CCDC181: variants seen among roughly 807,000 people sequenced by gnomAD.
The protein encoded by CCDC181 is coiled-coil domain containing 181, also known as coiled-coil domain-containing protein 181.
CCDC181 carries 35 observed loss-of-function variants against 58.7 expected under a neutral mutation model. That is an observed-to-expected ratio of 0.60 (90% CI 0.46 to 0.79). The LOEUF (loss-of-function observed/expected upper bound fraction) is 0.79. CCDC181 is among the 30% of genes least tolerant of loss of function. CCDC181 has a pLI of 0.00. For synonymous variants in CCDC181, 183 were observed against 197.5 expected, an observed-to-expected ratio of 0.93 and a Z score of 0.62; for missense variants, 517 against 583.9, an observed-to-expected ratio of 0.89 and a Z score of 1.18.
rs887002273 is a variant in CCDC181, at chr1:169,395,481, T to C, written c.1371-275A>G. Among the ~76,000 whole-genome samples the C allele has an allele frequency of 2.4e-4, 36 of 152,234 alleles. 1 individual carries two copies. The highest frequency in any genetic ancestry group is 1.3e-4 in the Admixed American group (2 of 15,284). ...TTTTTTAATAATAAACACTATTTTA[T>C]GTGTGCTGTAGATCCTATTCTTTTT... On this transcript the variant is annotated intron_variant, in intron 5 of 5. Transcript: ENST00000367806.
rs1272535728 is a variant in CCDC181 at position 169,415,101 on chromosome 1, A to G, written c.1215+3912T>C. 5.9e-5 allele frequency among the ~76,000 whole-genome samples: 9 copies of G among 152,320 alleles called. 1 individual carries two copies. Among genetic ancestry groups the G allele is most frequent in the Admixed American group, 5.9e-4 (9 of 15,298 alleles). On this transcript the variant is annotated intron_variant, in intron 4 of 5. Coordinates refer to ENST00000367806, the MANE Select transcript of CCDC181 (RefSeq NM_001300969.2). ...TCTGAGAATACAATCCAAGATTACT[A>G]TTTACTATGTACAAATACAGCACAA...
intron 2 of CCDC181, among the ~76,000 whole-genome samples, chr1:169,435,228 G>A (rs1002002546): frequency 1.3e-5 from 2 of 152,040 alleles, no homozygotes; most frequent in African/African-American, 4.8e-5. Context: ...AGACACAAAA[G>A]ATCACATATT....
intron 2 of CCDC181, among the ~76,000 whole-genome samples, chr1:169,441,727 C>T (rs747333916): frequency 1.2e-4 from 18 of 151,546 alleles, no homozygotes; most frequent in South Asian, 2.1e-4. Flanking sequence ...TAAACTCTGA[C>T]GATACTAGAT....
chr1:169,439,207 A>AC (rs992494912), intron 2 of CCDC181, among the ~76,000 whole-genome samples: 3 of 150,924 alleles, frequency 2.0e-5, no homozygotes, highest in African/African-American at 7.3e-5. Flanking sequence ...GGGCTACAAG[A>AC]CCAGTTGGGA....
chr1:169,415,131 G>T (rs985092093), intron 4 of CCDC181, among the ~76,000 whole-genome samples: 10 of 152,262 alleles, frequency 6.6e-5, no homozygotes, highest in Admixed American at 5.2e-4. Flanking sequence ...GCACAATTAT[G>T]TGCAAATATT....
chr1:169,426,974 T>C (rs575637808), intron 1 of CCDC181, among the ~76,000 whole-genome samples: 1 of 152,268 alleles, frequency 6.6e-6, no homozygotes, highest in East Asian at 1.9e-4. Flanking sequence ...AGTGACTTTT[T>C]CTCCCAGGGA....
chr1:169,402,289 T>G (rs548987176), intron 4 of CCDC181, among the ~76,000 whole-genome samples: 11 of 152,136 alleles, frequency 7.2e-5, no homozygotes, highest in Non-Finnish European at 1.2e-4. Flanking sequence ...ACATTCAAAT[T>G]CAGGAAATAC....
exon 2 of CCDC181, chr1:169,459,851 T>C (rs1428681709): frequency 6.9e-6 from 1 of 145,354 alleles, no homozygotes; most frequent in South Asian, 2.1e-4. Context: ...AAGTCTTCCA[T>C]GGTTTTTGGC....
chr1:169,435,540 G>T (rs1046573322), intron 2 of CCDC181, among the ~76,000 whole-genome samples: 3 of 152,084 alleles, frequency 2.0e-5, no homozygotes, highest in Non-Finnish European at 4.4e-5. Context: ...GCCTGTAGAA[G>T]ATTTTAATTT....
upstream of CCDC181, among the ~76,000 whole-genome samples, chr1:169,428,638 T>C (rs1656811882): frequency 6.6e-6 from 1 of 151,930 alleles, no homozygotes; most frequent in East Asian, 1.9e-4. Flanking sequence ...ATGTAGAGTT[T>C]TTTTGTTTGT....
chr1:169,454,938 T>G (rs1657644221), intron 2 of CCDC181, among the ~76,000 whole-genome samples: 1 of 151,996 alleles, frequency 6.6e-6, no homozygotes, highest in East Asian at 1.9e-4. Flanking sequence ...AATGGTACAA[T>G]ACAACATAGA....
upstream of CCDC181, among the ~76,000 whole-genome samples, chr1:169,431,836 C>T (rs1656927475): frequency 6.6e-6 from 1 of 152,156 alleles, no homozygotes; most frequent in African/African-American, 2.4e-5. Flanking sequence ...GAGATGCAAA[C>T]ACAGAGGTAG....
chr1:169,407,310 A>T (rs935633665), intron 4 of CCDC181, among the ~76,000 whole-genome samples: 3 of 152,192 alleles, frequency 2.0e-5, no homozygotes, highest in Non-Finnish European at 4.4e-5. Flanking sequence ...AACAAAGGAC[A>T]TTGTAAAACA....
At chr1:169,441,079 A>G (rs1657216003) in intron 2 of CCDC181, among the ~76,000 whole-genome samples, 1 of 152,154 alleles carries the variant, frequency 6.6e-6, no homozygotes, top group Admixed American at 6.5e-5. Context: ...AACTAATACT[A>G]ACCTTGGGCT....
intron 4 of CCDC181, 51 bp downstream of exon 4, chr1:169,418,962 G>A (rs369475854): frequency 3.4e-6 from 5 of 1,460,194 alleles, no homozygotes; most frequent in Non-Finnish European, 4.8e-6. Context: ...CTATAAATAA[G>A]TTCAGCTTTC....
intron 2 of CCDC181, among the ~76,000 whole-genome samples, chr1:169,439,601 A>G (rs1445787578): frequency 3.3e-5 from 5 of 152,024 alleles, no homozygotes; most frequent in Admixed American, 6.6e-5. Context: ...GTGTGTTACA[A>G]TTAATGCTCT....
chr1:169,421,324 A>G (rs773194647), intron 3 of CCDC181, 39 bp downstream of exon 3: 1 of 1,452,820 alleles, frequency 6.9e-7, no homozygotes, highest in South Asian at 1.3e-5. Flanking sequence ...ACAGTAAAAC[A>G]TACTCTACTT....
rs377286306 is a variant in CCDC181, at chr1:169,411,074, A to G, written c.1215+7939T>C. On this transcript the variant is annotated intron_variant, in intron 4 of 5. Coordinates refer to ENST00000367806, the MANE Select transcript of CCDC181 (RefSeq NM_001300969.2). ...AATGAAGGAGATAGACAAATGAAAAACCCTTCAAAAAATCAATCCAGGAGC... is the reference window on the plus strand; with the variant it reads ...AATGAAGGAGATAGACAAATGAAAAGCCCTTCAAAAAATCAATCCAGGAGC... Among the ~76,000 whole-genome samples, 80 of 152,248 alleles carry G rather than the reference A, an allele frequency of 5.3e-4. 1 individual carries two copies. The highest frequency in any genetic ancestry group is 3.4e-3 in the Middle Eastern group (1 of 294).
intron 2 of CCDC181, among the ~76,000 whole-genome samples, chr1:169,456,871 C>G (rs373014166): frequency 1.3e-5 from 2 of 152,094 alleles, no homozygotes; most frequent in East Asian, 3.8e-4. Flanking sequence ...AAATGCTTAT[C>G]CTTTTATCTC....
Sources: gnomAD v4.1 joint callset for allele counts (sites outside exome capture counted in the v4.1 genomes callset) on GRCh38, gnomAD v4.1.1 for gene constraint, MANE v1.5 for transcripts, NCBI Gene and HGNC (gene_info 2026-07-23, HGNC 2026-07-21) for gene names.